PEBP4: variants seen among roughly 807,000 people sequenced by gnomAD.
The protein encoded by PEBP4 is phosphatidylethanolamine-binding protein 4.
Under a neutral mutation model 23.9 loss-of-function variants are expected in PEBP4, and 22 were observed. That is an observed-to-expected ratio of 0.92 (90% CI 0.66 to 1.31). PEBP4 has a LOEUF of 1.31. Ranked by LOEUF, PEBP4 falls within the 40% of genes most tolerant of loss-of-function variation. The pLI, the probability that PEBP4 is intolerant of heterozygous loss-of-function variation, is 0.00. For synonymous variants in PEBP4, 112 were observed against 99.3 expected (o/e 1.13, Z -0.76); for missense variants, 324 against 281.7 (o/e 1.15, Z -1.07).
At chr8:22,730,119 C>T (rs1404845786) in intron 4 of PEBP4, among the ~76,000 whole-genome samples, 1 of 152,184 alleles carries the variant, frequency 6.6e-6, no homozygotes, top group Non-Finnish European at 1.5e-5. Flanking sequence ...TCATGACAAT[C>T]CCATCAGTTC....
chr8:22,735,897 G>A (rs1050220177), intron 4 of PEBP4, among the ~76,000 whole-genome samples: 8 of 152,352 alleles, frequency 5.3e-5, no homozygotes, highest in African/African-American at 1.9e-4. Flanking sequence ...CATGTTCCTT[G>A]TAGAAAAATT....
At chr8:22,829,332 T>C (rs920764421) in intron 3 of PEBP4, among the ~76,000 whole-genome samples, 3 of 152,130 alleles carry the variant, frequency 2.0e-5, no homozygotes, top group Non-Finnish European at 4.4e-5. Context: ...ACTCCAAATT[T>C]CTCTGGTCAA....
At chr8:22,933,669 G>C (rs901079048) in intron 1 of PEBP4, among the ~76,000 whole-genome samples, 4 of 152,224 alleles carry the variant, frequency 2.6e-5, no homozygotes, top group African/African-American at 4.8e-5. Flanking sequence ...AAGAAATGCT[G>C]AAAGTAGATC....
chr8:22,772,070 A>G (rs1389604600), intron 4 of PEBP4, among the ~76,000 whole-genome samples: 2 of 152,156 alleles, frequency 1.3e-5, no homozygotes, highest in East Asian at 3.8e-4. Context: ...AAGAACCCTC[A>G]CAGGCTAAGC....
At chr8:22,847,675 G>A (rs917150083) in intron 3 of PEBP4, among the ~76,000 whole-genome samples, 1 of 152,168 alleles carries the variant, frequency 6.6e-6, no homozygotes, top group African/African-American at 2.4e-5. Flanking sequence ...GTGGGGGAGG[G>A]TAAACCCTAG....
In PEBP4 at chr8:22,717,446, G is replaced by A. The variant is rs987597607; in HGVS notation, c.518-3910C>T. On this transcript the variant is annotated intron_variant, in intron 6 of 6. Transcript: ENST00000256404. ...CTGGTCCTTGGTCCTCAGTATTTCC[G>A]TCCTGATGTATTTCCATCCTGATGT... is the stretch of plus-strand genomic sequence containing the variant. Among the ~76,000 whole-genome samples the A allele has an allele frequency of 4.6e-5, 7 of 151,942 alleles. No individual in the cohort carries two copies. In the East Asian group the frequency reaches 1.2e-3, roughly 25 times the overall value.
chr8:22,793,881 T>G (rs1196185042), intron 4 of PEBP4, among the ~76,000 whole-genome samples: 1 of 152,208 alleles, frequency 6.6e-6, no homozygotes, highest in Non-Finnish European at 1.5e-5. Context: ...AGCCAAATAA[T>G]GCTGCAAAAG....
At position 22,839,414 on chromosome 8, in the gene PEBP4, G is replaced by T. The variant is rs542369072; in HGVS notation, c.259-21679C>A. Reference sequence around the variant, plus strand: ...GGGGAAAGGCTGGTGGATCAAGAAGGGCTGGTGGGGAGGCAGAGGCTGGAA... The same window carrying T: ...GGGGAAAGGCTGGTGGATCAAGAAGTGCTGGTGGGGAGGCAGAGGCTGGAA... On this transcript the variant is annotated intron_variant, in intron 3 of 6. Coordinates refer to ENST00000256404, the MANE Select transcript of PEBP4 (RefSeq NM_144962.3). Among the ~76,000 whole-genome samples the T allele has an allele frequency of 3.3e-5, 5 of 152,286 alleles. No homozygotes were observed. The East Asian group carries it at 9.6e-4, about 29-fold the overall frequency.
chr8:22,730,817 G>A (rs572544506), intron 4 of PEBP4, among the ~76,000 whole-genome samples: 27 of 152,284 alleles, frequency 1.8e-4, no homozygotes, highest in Non-Finnish European at 3.4e-4. Context: ...CTTTCTCACC[G>A]TTTAGAATTT....
At chr8:22,854,817 C>T (rs1009058249) in intron 3 of PEBP4, among the ~76,000 whole-genome samples, 3 of 152,098 alleles carry the variant, frequency 2.0e-5, no homozygotes, top group Admixed American at 6.6e-5. Flanking sequence ...CATATCTTCT[C>T]CTGACTCTTT....
intron 6 of PEBP4, among the ~76,000 whole-genome samples, chr8:22,719,069 C>T (rs1413043080): frequency 6.6e-6 from 1 of 152,160 alleles, no homozygotes; most frequent in Non-Finnish European, 1.5e-5. Flanking sequence ...CCCTGCCCGT[C>T]TCTCCTCTCT....
intron 3 of PEBP4, among the ~76,000 whole-genome samples, chr8:22,892,573 G>A (rs781265595): frequency 7.2e-5 from 11 of 152,138 alleles, no homozygotes; most frequent in Non-Finnish European, 1.3e-4. Context: ...AAGTAAACAC[G>A]GACTGACATC....
At chr8:22,837,497 A>C (rs2128765048) in intron 3 of PEBP4, among the ~76,000 whole-genome samples, 1 of 152,354 alleles carries the variant, frequency 6.6e-6, no homozygotes, top group African/African-American at 2.4e-5. Context: ...ACAACTCGCT[A>C]CAGACTTAGG....
chr8:22,728,579 C>T (rs759151067), intron 4 of PEBP4, among the ~76,000 whole-genome samples: 105 of 130,948 alleles, frequency 8.0e-4, no homozygotes, highest in East Asian at 3.2e-3. Context: ...TTCCTTCCTT[C>T]CTTCCTTCCT....
rs71206545 is a variant in PEBP4 at position 22,749,805 on chromosome 8, C to CTTTTTTTTTTTTTT, written c.358-22599_358-22586dup. Among the ~76,000 whole-genome samples the CTTTTTTTTTTTTTT allele has an allele frequency of 4.9e-4, 41 of 83,752 alleles. 2 individuals are homozygous for CTTTTTTTTTTTTTT. Among genetic ancestry groups the CTTTTTTTTTTTTTT allele is most frequent in the African/African-American group, 1.1e-3 (28 of 25,758 alleles). 54.9% of individuals were successfully genotyped at this position (83,752 alleles called of 152,430 possible). On this transcript the variant is annotated intron_variant, in intron 4 of 6. Transcript: ENST00000256404. The stretch of plus-strand genomic sequence containing the variant: ...CTCTCCTGATTCTCAGTTTGTCATT[C>CTTTTTTTTTTTTTT]TTTTTTTTTTTTTTTTTTGAGATGG...
At chr8:22,913,820 A>G (rs1183189235) in intron 3 of PEBP4, among the ~76,000 whole-genome samples, 1 of 151,866 alleles carries the variant, frequency 6.6e-6, no homozygotes, top group Non-Finnish European at 1.5e-5. Flanking sequence ...GAATTTACTT[A>G]TTTATTTAGA....
intron 1 of PEBP4, among the ~76,000 whole-genome samples, chr8:22,940,935 G>A (rs761424774): frequency 6.6e-6 from 1 of 152,204 alleles, no homozygotes; most frequent in Non-Finnish European, 1.5e-5. Context: ...GTTGGGTGCT[G>A]GCTGTGGGAA....
intron 3 of PEBP4, among the ~76,000 whole-genome samples, chr8:22,880,861 C>A (rs1316822699): frequency 6.6e-6 from 1 of 152,208 alleles, no homozygotes; most frequent in African/African-American, 2.4e-5. Flanking sequence ...CTTCTATAGA[C>A]CTCAAGACCT....
At position 22,814,234 on chromosome 8, in the gene PEBP4, T is replaced by C. The variant is rs547809833; in HGVS notation, c.357+3403A>G. 3.3e-4 allele frequency among the ~76,000 whole-genome samples: 51 copies of C among 152,252 alleles called. 1 individual carries two copies. The South Asian group carries it at 0.01, about 30-fold the overall frequency. On this transcript the variant is annotated intron_variant, in intron 4 of 6. Coordinates refer to ENST00000256404, the MANE Select transcript of PEBP4 (RefSeq NM_144962.3). ...CCCAAGATCACACAGCTAATAATGG[T>C]AGATTAGGAATTCAAACCACAGCAG... is the stretch of plus-strand genomic sequence containing the variant.
Sources: gnomAD v4.1 joint callset for allele counts (sites outside exome capture counted in the v4.1 genomes callset) on GRCh38, gnomAD v4.1.1 for gene constraint, MANE v1.5 for transcripts, NCBI Gene and HGNC (gene_info 2026-07-23, HGNC 2026-07-21) for gene names.